TNFRSF21: variants seen among roughly 807,000 people sequenced by gnomAD.
TNFRSF21 encodes TNF receptor superfamily member 21.
Under a neutral mutation model 45.6 loss-of-function variants are expected in TNFRSF21, and 19 were observed. That is an observed-to-expected ratio of 0.42 (90% CI 0.29 to 0.61). The LOEUF (loss-of-function observed/expected upper bound fraction) is 0.61, where lower values mean the gene tolerates loss of function less well. TNFRSF21 is among the 20% of genes least tolerant of loss of function. TNFRSF21 has a pLI of 0.23. For missense variants in TNFRSF21, 737 were observed against 851.5 expected (o/e 0.87, Z 1.67); for synonymous variants, 314 against 335.5 (o/e 0.94, Z 0.70).
intron 1 of TNFRSF21, among the ~76,000 whole-genome samples, chr6:47,299,925 A>G (rs933156057): frequency 6.6e-6 from 1 of 152,168 alleles, no homozygotes; most frequent in Admixed American, 6.5e-5. Context: ...AAGCCATAAA[A>G]CTGTTCATTT....
chr6:47,258,968 G>T (rs1765030205), intron 3 of TNFRSF21, among the ~76,000 whole-genome samples: 1 of 152,200 alleles, frequency 6.6e-6, no homozygotes, highest in Admixed American at 6.5e-5. Flanking sequence ...AAGTAGGCTG[G>T]ATATGGCCCA....
chr6:47,266,941 C>A (rs1167064275), intron 3 of TNFRSF21, among the ~76,000 whole-genome samples: 1 of 152,046 alleles, frequency 6.6e-6, no homozygotes, highest in Non-Finnish European at 1.5e-5. Context: ...ACAGAATATT[C>A]CCTTCTTTCA....
chr6:47,286,407 G>T lies in TNFRSF21; in HGVS notation c.285C>A (p.Thr95=), dbSNP rs944598243. The part of the protein sequence containing the change: ...LRVCSSCPVG[T]FTRHENGIEK... ...CTATGCCATTCTCATGCCTGGTAAAGGTCCCCACAGGGCAACTGCTGCAGA... is the reference window on the plus strand; with the variant it reads ...CTATGCCATTCTCATGCCTGGTAAATGTCCCCACAGGGCAACTGCTGCAGA... The change falls in exon 2 of 6, where the codon ACC becomes ACA. Residue 95 remains threonine, a synonymous_variant. Transcript: ENST00000296861. The T allele has an allele frequency of 1.2e-6, 2 of 1,614,214 alleles. No homozygotes were observed. The highest frequency in any genetic ancestry group is 1.1e-5 in the South Asian group (1 of 91,082).
chr6:47,253,279 CA>C lies in TNFRSF21; in HGVS notation c.1485del (p.Leu497Ter). 6.2e-7 allele frequency: 1 copy of C among 1,613,392 alleles called. No individual in the cohort carries two copies. The highest frequency in any genetic ancestry group is 8.5e-7 in the Non-Finnish European group (1 of 1,179,650). ...ACCTGGGTGGTGTCTTCCATCAGCC[CA>C]CGAATCTTCTCCACAACATCGTTTC... The part of the protein sequence containing the change: ...HRRNDVVEKI[R>X]GLMEDTTQLE... On this transcript the variant is annotated frameshift_variant, in exon 4 of 6. Transcript: ENST00000296861. LOFTEE classifies it high-confidence loss of function.
At chr6:47,300,283 A>G (rs1056684201) in intron 1 of TNFRSF21, among the ~76,000 whole-genome samples, 1 of 152,294 alleles carries the variant, frequency 6.6e-6, no homozygotes, top group Non-Finnish European at 1.5e-5. Flanking sequence ...AGACTGCTCA[A>G]TGTGGGAACC....
intron 3 of TNFRSF21, among the ~76,000 whole-genome samples, chr6:47,273,559 T>A (rs932820009): frequency 1.7e-4 from 26 of 152,330 alleles, no homozygotes; most frequent in African/African-American, 5.3e-4. Flanking sequence ...AACATCATAC[T>A]GAATGGGCAA....
chr6:47,298,284 T>TAAAAAAAA (rs558717941), intron 1 of TNFRSF21, among the ~76,000 whole-genome samples: 1 of 74,408 alleles, frequency 1.3e-5, no homozygotes, highest in East Asian at 3.5e-4. Flanking sequence ...TACAAAAAAT[T>TAAAAAAAA]AAAAAAAAAA....
chr6:47,299,450 C>T (rs955675599), intron 1 of TNFRSF21, among the ~76,000 whole-genome samples: 2 of 152,036 alleles, frequency 1.3e-5, no homozygotes, highest in African/African-American at 4.8e-5. Context: ...GCTGAGATCA[C>T]GCCACCTACA....
chr6:47,308,311 G>A (rs1024407652), intron 1 of TNFRSF21, among the ~76,000 whole-genome samples: 1 of 152,170 alleles, frequency 6.6e-6, no homozygotes, highest in African/African-American at 2.4e-5. Context: ...GCCCTTTTGG[G>A]GAAGGAGACA....
intron 1 of TNFRSF21, among the ~76,000 whole-genome samples, 168 bp downstream of exon 1, chr6:47,309,243 TAGTCG>T: frequency 6.6e-6 from 1 of 152,070 alleles, no homozygotes; most frequent in East Asian, 1.9e-4. Context: ...CCAAATAACC[TAGTCG>T]AGGCCCTCTG....
At chr6:47,244,291 G>A (rs868430051) in intron 4 of TNFRSF21, among the ~76,000 whole-genome samples, 2 of 135,086 alleles carry the variant, frequency 1.5e-5, no homozygotes, top group Non-Finnish European at 3.0e-5. Flanking sequence ...GCCACTGCAC[G>A]CCAGCCTGGG....
At chr6:47,261,296 T>C (rs1765070433) in intron 3 of TNFRSF21, among the ~76,000 whole-genome samples, 1 of 152,252 alleles carries the variant, frequency 6.6e-6, no homozygotes, top group African/African-American at 2.4e-5. Flanking sequence ...GGTCTTGTCC[T>C]CCAAGATGCC....
At chr6:47,253,680 C>A (rs1245643891) in intron 3 of TNFRSF21, among the ~76,000 whole-genome samples, 159 bp from the exon 4 acceptor site, 1 of 152,210 alleles carries the variant, frequency 6.6e-6, no homozygotes, top group African/African-American at 2.4e-5. Flanking sequence ...GCACAAGCAG[C>A]TCATCTTGTG....
intron 3 of TNFRSF21, among the ~76,000 whole-genome samples, chr6:47,275,347 C>T (rs1762481990): frequency 2.6e-5 from 4 of 152,152 alleles, no homozygotes. Context: ...AGTTCATGTC[C>T]TTTACAGGGA....
chr6:47,272,572 T>C (rs927393265), intron 3 of TNFRSF21, among the ~76,000 whole-genome samples: 1 of 152,062 alleles, frequency 6.6e-6, no homozygotes, highest in African/African-American at 2.4e-5. Flanking sequence ...AGGAAAGATC[T>C]AAAATCAACA....
chr6:47,305,586 T>C (rs1268570718), intron 1 of TNFRSF21, among the ~76,000 whole-genome samples: 2 of 152,134 alleles, frequency 1.3e-5, no homozygotes, highest in African/African-American at 4.8e-5. Flanking sequence ...CAAAGTGAAT[T>C]GCCAATGTAC....
intron 4 of TNFRSF21, among the ~76,000 whole-genome samples, chr6:47,238,319 T>C (rs923964990): frequency 2.0e-5 from 3 of 152,252 alleles, no homozygotes; most frequent in African/African-American, 7.2e-5. Flanking sequence ...AAGGCAGATA[T>C]TAAGAAAACG....
intron 1 of TNFRSF21, among the ~76,000 whole-genome samples, chr6:47,293,772 CAA>C (rs1762759104): frequency 6.6e-6 from 1 of 152,210 alleles, no homozygotes; most frequent in Non-Finnish European, 1.5e-5. Context: ...GGATGAAAGG[CAA>C]AGTCTTTAAC....
Position 47,256,022 on chromosome 6 carries a change from T to C in TNFRSF21, c.1244-2501A>G, listed in dbSNP as rs147602513. 4.7e-3 allele frequency among the ~76,000 whole-genome samples: 723 copies of C among 152,302 alleles called. 7 individuals carry two copies. The highest frequency in any genetic ancestry group is 0.016 in the African/African-American group (674 of 41,550). ...TCAGGAAAATATTTATAAAATGAGC[T>C]ATCAATTATTGCTAATAAAAACAAT... is the stretch of plus-strand genomic sequence containing the variant. On this transcript the variant is annotated intron_variant, in intron 3 of 5. Coordinates refer to ENST00000296861, the MANE Select transcript of TNFRSF21 (RefSeq NM_014452.5).
Sources: allele counts gnomAD v4.1 joint callset (sites outside exome capture counted in the v4.1 genomes callset), GRCh38; gene constraint gnomAD v4.1.1; transcripts MANE v1.5; gene names NCBI Gene and HGNC (gene_info 2026-07-23, HGNC 2026-07-21).